The following SEMA5B variants were observed in gnomAD, a reference collection of about 807,000 sequenced individuals.
The protein encoded by SEMA5B is semaphorin 5B.
SEMA5B carries 66 observed loss-of-function variants against 135.0 expected under a neutral mutation model. The ratio of observed to expected loss-of-function variants is 0.49; its 90% CI spans 0.40 to 0.60. SEMA5B has a LOEUF of 0.60. SEMA5B is among the 20% of genes least tolerant of loss of function. The probability of loss-of-function intolerance (pLI) is 0.00; values close to 1 mark genes in which losing one functional copy is unlikely to be tolerated. For missense variants in SEMA5B, 1,501 were observed against 1,566.3 expected, an observed-to-expected ratio of 0.96 and a Z score of 0.70; for synonymous variants, 690 against 639.5, an observed-to-expected ratio of 1.08 and a Z score of -1.19.
intron 4 of SEMA5B, among the ~76,000 whole-genome samples, chr3:122,943,121 C>G (rs1476853935): frequency 1.3e-5 from 2 of 152,178 alleles, no homozygotes; most frequent in Non-Finnish European, 2.9e-5. Context: ...GCCCAGAAAA[C>G]CATTCTGACA....
intron 3 of SEMA5B, among the ~76,000 whole-genome samples, chr3:122,946,060 T>C (rs4677869): frequency 0.78 from 118,051 of 152,126 alleles, 47,544 homozygotes; most frequent in Non-Finnish European, 0.89. Flanking sequence ...TTCCGAGCTC[T>C]GTGTGCGGCA....
intron 2 of SEMA5B, among the ~76,000 whole-genome samples, chr3:122,955,009 C>T (rs2107579909): frequency 6.6e-6 from 1 of 151,560 alleles, no homozygotes; most frequent in African/African-American, 2.4e-5. Flanking sequence ...ACTGTGTTGC[C>T]CTGGCTGGTC....
chr3:122,979,320 T>G (rs1941443585), intron 1 of SEMA5B, among the ~76,000 whole-genome samples: 1 of 152,026 alleles, frequency 6.6e-6, no homozygotes, highest in Non-Finnish European at 1.5e-5. Flanking sequence ...CAGGAAGAAA[T>G]GGTTTTCTGC....
At chr3:122,957,046 G>T (rs1355877512) in intron 2 of SEMA5B, among the ~76,000 whole-genome samples, 2 of 152,190 alleles carry the variant, frequency 1.3e-5, no homozygotes, top group African/African-American at 4.8e-5. Flanking sequence ...GAAGCTGGTG[G>T]AGAGAGGCAG....
intron 1 of SEMA5B, among the ~76,000 whole-genome samples, chr3:123,013,159 G>A (rs1324789585): frequency 6.6e-6 from 1 of 152,196 alleles, no homozygotes; most frequent in Non-Finnish European, 1.5e-5. Context: ...AGGAAGCCTG[G>A]GATTGGCTTA....
At chr3:122,975,603 G>A (rs928042274) in intron 1 of SEMA5B, among the ~76,000 whole-genome samples, 3 of 152,228 alleles carry the variant, frequency 2.0e-5, no homozygotes, top group African/African-American at 7.2e-5. Context: ...GAAGCACATA[G>A]CACTGTCTGG....
chr3:122,955,216 T>A (rs1940235287), intron 2 of SEMA5B, among the ~76,000 whole-genome samples: 1 of 152,160 alleles, frequency 6.6e-6, no homozygotes, highest in Non-Finnish European at 1.5e-5. Context: ...GAGCCAGCTC[T>A]GTTCTGTCTA....
chr3:122,912,833 G>T lies in SEMA5B; in HGVS notation c.2725+10C>A, dbSNP rs1358813594. The T allele has an allele frequency of 1.3e-5, 20 of 1,556,552 alleles. No homozygotes were observed. The highest frequency in any genetic ancestry group is 1.6e-5 in the Non-Finnish European group (18 of 1,148,904). On this transcript the variant is annotated intron_variant, in intron 18 of 22. Coordinates refer to ENST00000357599, the MANE Select transcript of SEMA5B (RefSeq NM_001031702.4). ...TCGCTAGGCCAAGGATTCCTTCCGTGCAGGGTTACCTGGGCAAGCCTGGGG... is the reference window on the plus strand; with the variant it reads ...TCGCTAGGCCAAGGATTCCTTCCGTTCAGGGTTACCTGGGCAAGCCTGGGG...
rs113485576 is a variant in SEMA5B at position 123,016,561 on chromosome 3, T to C, written c.-39+10903A>G. Among the ~76,000 whole-genome samples the C allele has an allele frequency of 2.6e-3, 399 of 152,294 alleles. 4 individuals are homozygous for C. The highest frequency in any genetic ancestry group is 9.1e-3 in the African/African-American group (379 of 41,542). ...TCTGTACATGTTTAGCATAGATACA[T>C]TTAAAAATTTAATTTAATTTAATTT... On this transcript the variant is annotated intron_variant, in intron 1 of 22. Coordinates refer to ENST00000357599, the MANE Select transcript of SEMA5B (RefSeq NM_001031702.4).
At chr3:122,997,520 C>CCACG (rs1942051650) in intron 1 of SEMA5B, among the ~76,000 whole-genome samples, 4 of 135,608 alleles carry the variant, frequency 2.9e-5, no homozygotes, top group African/African-American at 1.1e-4. Context: ...CAGGCCTCTC[C>CCACG]CCCCCCCGTC....
chr3:122,917,845 T>C (rs1264703352), intron 12 of SEMA5B, among the ~76,000 whole-genome samples: 2 of 152,214 alleles, frequency 1.3e-5, no homozygotes, highest in Non-Finnish European at 2.9e-5. Context: ...TGGTTTGATT[T>C]GAGGGTGTTT....
chr3:122,911,477 C>A lies in SEMA5B; in HGVS notation c.3091+14G>T. 1 of 1,603,980 alleles carries A rather than the reference C, an allele frequency of 6.2e-7. No homozygotes were observed. The highest frequency in any genetic ancestry group is 8.5e-7 in the Non-Finnish European group (1 of 1,176,146). ...GGGAGGACCGCAGCATGAGGTAGGTCCGGTTTCTTTTACCTGCACAGTCGG... is the reference window on the plus strand; with the variant it reads ...GGGAGGACCGCAGCATGAGGTAGGTACGGTTTCTTTTACCTGCACAGTCGG... On this transcript the variant is annotated intron_variant, in intron 21 of 22. Transcript: ENST00000357599.
intron 2 of SEMA5B, among the ~76,000 whole-genome samples, chr3:122,956,454 G>A (rs1218326302): frequency 2.0e-5 from 3 of 152,326 alleles, no homozygotes; most frequent in Non-Finnish European, 4.4e-5. Context: ...GGGAGTGAGT[G>A]AAATTGGCGA....
chr3:122,946,647 G>A (rs565350701), intron 3 of SEMA5B, among the ~76,000 whole-genome samples: 1 of 152,228 alleles, frequency 6.6e-6, no homozygotes, highest in Non-Finnish European at 1.5e-5. Flanking sequence ...AGTACCAGCT[G>A]GGCTGAGGGA....
intron 15 of SEMA5B, 29 bp from the exon 16 acceptor site, chr3:122,913,710 G>C (rs765764450): frequency 1.9e-6 from 3 of 1,608,854 alleles, no homozygotes; most frequent in Non-Finnish European, 2.5e-6. Flanking sequence ...CGTCAATCCA[G>C]GGAGGGGGAC....
rs191916919 is a variant in SEMA5B at position 122,943,178 on chromosome 3, C to T, written c.428+258G>A. On this transcript the variant is annotated intron_variant, in intron 4 of 22. Coordinates refer to ENST00000357599, the MANE Select transcript of SEMA5B (RefSeq NM_001031702.4). ...GACCGGGCAGGAGGTGGCCAGCAGG[C>T]GTCCCTGCTCTCACTAACTGCCAAC... Among the ~76,000 whole-genome samples the T allele has an allele frequency of 6.6e-5, 10 of 152,256 alleles. No individual in the cohort carries two copies. In the South Asian group the frequency reaches 1.4e-3, roughly 22 times the overall value.
chr3:122,963,598 A>G (rs574083375), intron 1 of SEMA5B, among the ~76,000 whole-genome samples: 1 of 152,294 alleles, frequency 6.6e-6, no homozygotes, highest in South Asian at 2.1e-4. Flanking sequence ...ATGGCCTGAA[A>G]GAGGTTAAAA....
rs559155813 is a variant in SEMA5B at position 122,922,582 on chromosome 3, C to T, written c.1273-135G>A. On this transcript the variant is annotated intron_variant, in intron 10 of 22. Transcript: ENST00000357599. ...CTCCAGCACCCCCCACCCCTAGCATCCCTGCTGGGCGTCCTGCACCCTTTC... is the reference window on the plus strand; with the variant it reads ...CTCCAGCACCCCCCACCCCTAGCATTCCTGCTGGGCGTCCTGCACCCTTTC... The T allele has an allele frequency of 2.9e-5, 22 of 769,894 alleles. No individual in the cohort carries two copies. In the East Asian group the frequency reaches 5.1e-4, roughly 18 times the overall value. The allele number at this position is 769,894 out of a possible 1,614,324, so 47.7% of individuals were successfully genotyped here.
intron 7 of SEMA5B, 41 bp from the exon 8 acceptor site, chr3:122,928,044 C>T: frequency 7.4e-7 from 1 of 1,360,322 alleles, no homozygotes; most frequent in South Asian, 1.7e-5. Context: ...TCCCTGAGGC[C>T]CTGGGGCTGC....
Sources: gnomAD v4.1 joint callset for allele counts (sites outside exome capture counted in the v4.1 genomes callset) on GRCh38, gnomAD v4.1.1 for gene constraint, MANE v1.5 for transcripts, NCBI Gene and HGNC (gene_info 2026-07-23, HGNC 2026-07-21) for gene names.